TASP1: variants seen among roughly 807,000 people sequenced by gnomAD.
The protein encoded by TASP1 is threonine aspartase 1.
Under a neutral mutation model 56.6 loss-of-function variants are expected in TASP1, and 16 were observed. The observed-to-expected ratio is 0.28, with a 90% CI of 0.19 to 0.43. TASP1 has a LOEUF of 0.43. Ranked by LOEUF, TASP1 falls within the 20% of genes least tolerant of loss-of-function variation. The pLI, the probability that TASP1 is intolerant of heterozygous loss-of-function variation, is 1.00. For missense variants in TASP1, 393 were observed against 511.6 expected (o/e 0.77, Z 2.24); for synonymous variants, 179 against 184.2 (o/e 0.97, Z 0.23).
At chr20:13,421,120 T>G (rs1356872274) in intron 12 of TASP1, among the ~76,000 whole-genome samples, 1 of 150,652 alleles carries the variant, frequency 6.6e-6, no homozygotes, top group African/African-American at 2.4e-5. Flanking sequence ...TTTTTTTTTT[T>G]TTTTTTTTTT....
At chr20:13,460,785 A>G (rs1600865062) in intron 11 of TASP1, among the ~76,000 whole-genome samples, 1 of 151,634 alleles carries the variant, frequency 6.6e-6, no homozygotes, top group South Asian at 2.1e-4. Context: ...TTTCCCATCT[A>G]CCTCCATTAC....
chr20:13,379,477 A>G, the TASP1 span, among the ~76,000 whole-genome samples: 3 of 152,062 alleles, frequency 2.0e-5, no homozygotes, highest in Non-Finnish European at 4.4e-5. Context: ...TTTGTGGGTA[A>G]CCCGACATTT....
chr20:13,415,620 A>G (rs2042229718), intron 13 of TASP1, among the ~76,000 whole-genome samples: 1 of 152,090 alleles, frequency 6.6e-6, no homozygotes. Flanking sequence ...TACCAGCAAT[A>G]AGAAAACCAT....
chr20:13,591,479 T>A (rs1280614427), intron 4 of TASP1, among the ~76,000 whole-genome samples: 1 of 152,082 alleles, frequency 6.6e-6, no homozygotes, highest in Non-Finnish European at 1.5e-5. Context: ...CTGAGAAAAC[T>A]ACAAAATGTC....
the TASP1 span, among the ~76,000 whole-genome samples, chr20:13,189,819 T>C: frequency 1.3e-5 from 2 of 151,994 alleles, no homozygotes; most frequent in African/African-American, 2.4e-5. Context: ...CAAAGGAAAA[T>C]AAATCATTGT....
the TASP1 span, among the ~76,000 whole-genome samples, chr20:13,295,901 G>T: frequency 6.6e-6 from 1 of 152,218 alleles, no homozygotes; most frequent in Non-Finnish European, 1.5e-5. Flanking sequence ...AGCATCCACA[G>T]CAGGTTCCCT....
intron 10 of TASP1, among the ~76,000 whole-genome samples, chr20:13,497,696 G>C (rs901829962): frequency 1.3e-5 from 2 of 152,126 alleles, no homozygotes; most frequent in Non-Finnish European, 2.9e-5. Context: ...TAAGCAAAAA[G>C]AAGAAAGCTG....
intron 8 of TASP1, among the ~76,000 whole-genome samples, chr20:13,536,949 A>G (rs2045441507): frequency 6.6e-6 from 1 of 152,058 alleles, no homozygotes; most frequent in African/African-American, 2.4e-5. Flanking sequence ...ACCTCACATA[A>G]TCATTTATTT....
chr20:13,490,735 G>T (rs2043497844), intron 10 of TASP1, among the ~76,000 whole-genome samples: 2 of 151,986 alleles, frequency 1.3e-5, no homozygotes, highest in South Asian at 4.2e-4. Flanking sequence ...TAGGGTAAGG[G>T]TTAGTATCTG....
At chr20:13,156,101 A>G in the TASP1 span, among the ~76,000 whole-genome samples, 2 of 152,200 alleles carry the variant, frequency 1.3e-5, no homozygotes, top group Non-Finnish European at 2.9e-5. Context: ...CATTTATTCA[A>G]AATGATTGGG....
chr20:13,400,600 C>A (rs1047013779), intron 13 of TASP1, among the ~76,000 whole-genome samples: 23 of 152,180 alleles, frequency 1.5e-4, no homozygotes, highest in African/African-American at 5.5e-4. Context: ...CATTTTATCG[C>A]TTCAACATTG....
At chr20:13,354,554 A>G in the TASP1 span, among the ~76,000 whole-genome samples, 1 of 152,372 alleles carries the variant, frequency 6.6e-6, no homozygotes, top group African/African-American at 2.4e-5. Flanking sequence ...GAGGGGAAGA[A>G]AAAAGACATT....
chr20:13,624,426 CTTAT>C (rs1410259361), intron 3 of TASP1, among the ~76,000 whole-genome samples: 3 of 151,964 alleles, frequency 2.0e-5, no homozygotes, highest in Non-Finnish European at 4.4e-5. Flanking sequence ...ACAAAATATT[CTTAT>C]TTATAGGACT....
chr20:13,441,964 C>T (rs1385959033), intron 11 of TASP1, among the ~76,000 whole-genome samples: 2 of 152,150 alleles, frequency 1.3e-5, no homozygotes, highest in Non-Finnish European at 2.9e-5. Flanking sequence ...GTAATAGCTC[C>T]CAACTGCCTG....
the TASP1 span, among the ~76,000 whole-genome samples, chr20:13,242,372 GT>G: frequency 6.6e-6 from 1 of 152,112 alleles, no homozygotes; most frequent in Non-Finnish European, 1.5e-5. Flanking sequence ...TTCAGTTTTT[GT>G]TTTTATTTTT....
intron 13 of TASP1, among the ~76,000 whole-genome samples, chr20:13,411,766 G>A (rs1276390171): frequency 6.6e-6 from 1 of 152,164 alleles, no homozygotes; most frequent in Non-Finnish European, 1.5e-5. Context: ...TAGGCAAGCC[G>A]TCAGCTTTCC....
chr20:13,164,888 A>T, the TASP1 span: 1 of 1,593,686 alleles, frequency 6.3e-7, no homozygotes. Flanking sequence ...CCTGAATGAC[A>T]CATAAAGACT....
chr20:13,549,999 T>A (rs1002007277), intron 8 of TASP1, among the ~76,000 whole-genome samples: 2 of 152,078 alleles, frequency 1.3e-5, no homozygotes, highest in Non-Finnish European at 2.9e-5. Flanking sequence ...CTCAATTTCA[T>A]CTTACTTATA....
intron 4 of TASP1, among the ~76,000 whole-genome samples, chr20:13,620,384 G>C (rs900233297): frequency 4.0e-5 from 6 of 151,828 alleles, no homozygotes; most frequent in Admixed American, 3.9e-4. Context: ...CACTATTTGG[G>C]AAAATACAAA....
Sources: allele counts gnomAD v4.1 joint callset (sites outside exome capture counted in the v4.1 genomes callset), GRCh38; gene constraint gnomAD v4.1.1; transcripts MANE v1.5; gene names NCBI Gene and HGNC (gene_info 2026-07-23, HGNC 2026-07-21).